LGALS12: variants seen among roughly 807,000 people sequenced by gnomAD.
LGALS12 encodes galectin 12, also known as galectin-12.
Under a neutral mutation model 36.8 loss-of-function variants are expected in LGALS12, and 36 were observed. The ratio of observed to expected loss-of-function variants is 0.98; its 90% CI spans 0.75 to 1.29. The LOEUF is 1.29. Among genes scored for constraint, LGALS12 ranks in the 50% most tolerant of loss-of-function variants. LGALS12 has a pLI of 0.00. For synonymous variants in LGALS12, 145 were observed against 155.9 expected, an observed-to-expected ratio of 0.93 and a Z score of 0.52; for missense variants, 366 against 394.3, an observed-to-expected ratio of 0.93 and a Z score of 0.61.
chr11:63,514,820 A>G (rs2017030744), intron 7 of LGALS12, among the ~76,000 whole-genome samples: 1 of 151,566 alleles, frequency 6.6e-6, no homozygotes, highest in Admixed American at 6.6e-5. Context: ...TCTGTAAAAC[A>G]CCTACTGTGT....
In LGALS12 at chr11:63,508,996, AG is replaced by A. The variant is rs748428908; in HGVS notation, c.372+7del. On this transcript the variant is annotated splice_donor_region_variant and intron_variant, in intron 3 of 8. Coordinates refer to ENST00000394618, the MANE Select transcript of LGALS12 (RefSeq NM_033101.4). ...TTCGGGAATGAGGAAGTGAAGGTGA[AG>A]GAAGGGACGGGCATTGGGTGGTCTA... 8.1e-6 allele frequency: 13 copies of A among 1,611,670 alleles called. No homozygotes were observed. The highest frequency in any genetic ancestry group is 5.0e-5 in the Admixed American group (3 of 60,022).
intron 7 of LGALS12, among the ~76,000 whole-genome samples, chr11:63,512,999 C>T (rs890291407): frequency 2.0e-5 from 3 of 152,122 alleles, no homozygotes; most frequent in Non-Finnish European, 4.4e-5. Flanking sequence ...CCTCACTAAA[C>T]CCTTGCCCTG....
At chr11:63,511,288 T>G (rs968924480) in intron 6 of LGALS12, among the ~76,000 whole-genome samples, 183 bp downstream of exon 6, 1 of 149,894 alleles carries the variant, frequency 6.7e-6, no homozygotes, top group Non-Finnish European at 1.5e-5. Flanking sequence ...CCTTCCTTTA[T>G]AGCAAGCTGC....
At chr11:63,513,086 G>A (rs187657273) in intron 7 of LGALS12, among the ~76,000 whole-genome samples, 1 of 152,336 alleles carries the variant, frequency 6.6e-6, no homozygotes, top group East Asian at 1.9e-4. Flanking sequence ...TCCAAAGACA[G>A]GCATGACTGA....
rs760001297 is a variant in LGALS12, at chr11:63,506,416, G to A, written c.-43G>A. The A allele has an allele frequency of 1.9e-6, 3 of 1,614,188 alleles. No homozygotes were observed. The highest frequency in any genetic ancestry group is 8.5e-7 in the Non-Finnish European group (1 of 1,180,022). ...AGATGAGTCAGCCCAGTGGGGGCAG[G>A]GCTCCTGGAACGAGGATCTACAGTT... On this transcript the variant is annotated 5_prime_UTR_variant, in exon 1 of 9. Transcript: ENST00000394618.
rs917861818 is a variant in LGALS12 at position 63,511,060 on chromosome 11, CTCTT to C, written c.532-12_532-9del. The C allele has an allele frequency of 6.8e-6, 11 of 1,613,242 alleles. No individual in the cohort carries two copies. The highest frequency in any genetic ancestry group is 4.4e-5 in the South Asian group (4 of 91,082). ...CAAATACCACATGGCCTTGTGTCCT[CTCTT>C]TCTTTCCCTGACAGCCTTTCCTGCT... On this transcript the variant is annotated splice_polypyrimidine_tract_variant and intron_variant, in intron 5 of 8. Coordinates refer to ENST00000394618, the MANE Select transcript of LGALS12 (RefSeq NM_033101.4).
In LGALS12 at chr11:63,506,222, G is replaced by A. The variant is rs112831738; in HGVS notation, c.-237G>A. Reference sequence around the variant, plus strand: ...ACACTGAGTTCTGCTGACAGCCCCCGCCCAGCCAGAGCTCTGCTGTATACC... The same window carrying A: ...ACACTGAGTTCTGCTGACAGCCCCCACCCAGCCAGAGCTCTGCTGTATACC... On this transcript the variant is annotated 5_prime_UTR_variant, in exon 1 of 9. Transcript: ENST00000394618. The A allele has an allele frequency of 6.9e-5, 46 of 668,122 alleles. 1 individual carries two copies. Among genetic ancestry groups the A allele is most frequent in the East Asian group, 2.5e-4 (9 of 36,078 alleles). 41.4% of individuals were successfully genotyped at this position (668,122 alleles called of 1,614,324 possible). A position where few individuals can be genotyped will look rare whatever the true frequency, so the allele number is the denominator to read the frequency against.
At chr11:63,512,553 G>A (rs774180151) in intron 7 of LGALS12, among the ~76,000 whole-genome samples, 69 of 152,318 alleles carry the variant, frequency 4.5e-4, no homozygotes, top group Non-Finnish European at 6.8e-4. Context: ...CACTTTGGGA[G>A]GCCGAGGCGG....
rs1447486785 is a variant in LGALS12 at position 63,508,359 on chromosome 11, C to T, written c.70-194C>T. Reference sequence around the variant, plus strand: ...CTTCTCTGGTGTAATGCAGCTTTGCCGTGTGACGGTCCAGGAAAGGGGATT... The same window carrying T: ...CTTCTCTGGTGTAATGCAGCTTTGCTGTGTGACGGTCCAGGAAAGGGGATT... On this transcript the variant is annotated intron_variant, in intron 1 of 8. Transcript: ENST00000394618. 15 of 1,429,702 alleles carry T rather than the reference C, an allele frequency of 1.0e-5. No individual in the cohort carries two copies. The East Asian group carries it at 3.3e-4, about 31-fold the overall frequency. 88.6% of individuals were successfully genotyped at this position (1,429,702 alleles called of 1,614,324 possible). A position where few individuals can be genotyped will look rare whatever the true frequency, so the allele number is the denominator to read the frequency against.
chr11:63,514,042 C>T (rs1264852595), intron 7 of LGALS12, among the ~76,000 whole-genome samples: 1 of 152,210 alleles, frequency 6.6e-6, no homozygotes, highest in African/African-American at 2.4e-5. Context: ...TCCACGCAGT[C>T]CACTCTCCAG....
chr11:63,507,158 A>G (rs1430876356), intron 1 of LGALS12, among the ~76,000 whole-genome samples: 2 of 152,172 alleles, frequency 1.3e-5, no homozygotes, highest in Non-Finnish European at 2.9e-5. Context: ...CAACCAGCTG[A>G]GCTTGCCAAG....
intron 4 of LGALS12, 137 bp downstream of exon 4, chr11:63,510,034 G>A: frequency 9.2e-7 from 1 of 1,092,066 alleles, no homozygotes; most frequent in Non-Finnish European, 1.3e-6. Context: ...CCAAGGGGGA[G>A]GGAGTCCACT....
chr11:63,508,578 T>G lies in LGALS12; in HGVS notation c.95T>G (p.Phe32Cys), dbSNP rs1590643416. 1.2e-6 allele frequency: 2 copies of G among 1,614,182 alleles called. No homozygotes were observed. The highest frequency in any genetic ancestry group is 1.7e-6 in the Non-Finnish European group (2 of 1,180,032). Residue 32 changes from phenylalanine to cysteine, a missense_variant, in exon 2 of 9, where the codon TTT (phenylalanine) becomes TGT (cysteine). Physicochemically the swap from Phe to Cys is radical, Grantham distance 205. Transcript: ENST00000394618. ...HPVVPYVTTI[F>C]GGLHAGKMVM... ...GTGGTTCCTTATGTCACGACGATTT[T>G]TGGAGGCCTGCATGCAGGCAAGATG...
chr11:63,511,168 A>G, intron 6 of LGALS12, 63 bp downstream of exon 6: 2 of 1,459,994 alleles, frequency 1.4e-6, no homozygotes, highest in Non-Finnish European at 1.9e-6. Flanking sequence ...GCAGCTAATG[A>G]GCTCAGCCTG....
intron 1 of LGALS12, chr11:63,508,222 G>T: frequency 1.7e-6 from 2 of 1,181,726 alleles, no homozygotes; most frequent in Non-Finnish European, 2.1e-6. Context: ...GGGGACCAGG[G>T]TGACATCTAG....
At chr11:63,512,517 G>T (rs781635035) in intron 7 of LGALS12, among the ~76,000 whole-genome samples, 1 of 152,122 alleles carries the variant, frequency 6.6e-6, no homozygotes, top group African/African-American at 2.4e-5. Context: ...TAGGCCGGGC[G>T]CGGTGGCTCA....
Position 63,507,075 on chromosome 11 carries a change from T to C in LGALS12, c.69+548T>C, listed in dbSNP as rs745348835. Among the ~76,000 whole-genome samples the C allele has an allele frequency of 4.8e-4, 73 of 152,280 alleles. 1 individual carries two copies. Among genetic ancestry groups the C allele is most frequent in the Middle Eastern group, 3.4e-3 (1 of 294 alleles). The stretch of plus-strand genomic sequence containing the variant: ...TCCCTTACTTGGCCCTCCCCTCCCA[T>C]GAGAGCTGCATCCACTCAGTTAATT... On this transcript the variant is annotated intron_variant, in intron 1 of 8. Transcript: ENST00000394618.
Position 63,510,457 on chromosome 11 carries a change from GA to G in LGALS12, c.493-4del, listed in dbSNP as rs1295322858. The G allele has an allele frequency of 1.6e-5, 26 of 1,614,118 alleles. No homozygotes were observed. Among genetic ancestry groups the G allele is most frequent in the Non-Finnish European group, 2.2e-5 (26 of 1,179,964 alleles). On this transcript the variant is annotated splice_polypyrimidine_tract_variant and splice_region_variant and intron_variant, in intron 4 of 8. Coordinates refer to ENST00000394618, the MANE Select transcript of LGALS12 (RefSeq NM_033101.4). ...GCTGCTGATTCTTTTCTCTCTTTCTGAACAGCCATTTGTGGAGGGCAGCAGA... is the reference window on the plus strand; with the variant it reads ...GCTGCTGATTCTTTTCTCTCTTTCTGACAGCCATTTGTGGAGGGCAGCAGA...
chr11:63,511,356 C>T (rs2016914920), intron 6 of LGALS12, among the ~76,000 whole-genome samples: 1 of 152,202 alleles, frequency 6.6e-6, no homozygotes, highest in South Asian at 2.1e-4. Context: ...TTTACCTTTT[C>T]TCCACTTATT....
Sources: allele counts gnomAD v4.1 joint callset (sites outside exome capture counted in the v4.1 genomes callset), GRCh38; gene constraint gnomAD v4.1.1; transcripts MANE v1.5; gene names NCBI Gene and HGNC (gene_info 2026-07-23, HGNC 2026-07-21).